Variants in CHIT1 observed in about 807,000 individuals in gnomAD.
The protein encoded by CHIT1 is chitinase 1.
Under a neutral mutation model 52.0 loss-of-function variants are expected in CHIT1, and 47 were observed. That is an observed-to-expected ratio of 0.90 (90% CI 0.71 to 1.15). CHIT1 has a LOEUF of 1.15. Among genes scored for constraint, CHIT1 ranks in the 50% most tolerant of loss-of-function variants. The pLI is 0.00. For synonymous variants in CHIT1, 242 were observed against 228.2 expected (o/e 1.06, Z -0.54); for missense variants, 569 against 583.0 (o/e 0.98, Z 0.25).
At chr1:203,218,234 T>TCA (rs58776333) in intron 9 of CHIT1, 4 of 630,712 alleles carry the variant, frequency 6.3e-6, no homozygotes, top group South Asian at 1.8e-5. Context: ...AAGGTCAAGG[T>TCA]AAGTCCAGTT....
intron 6 of CHIT1, 52 bp from the exon 7 acceptor site, chr1:203,222,377 A>G: frequency 6.2e-7 from 1 of 1,613,420 alleles, no homozygotes; most frequent in Non-Finnish European, 8.5e-7. Context: ...GGGGTGGGGT[A>G]GCCCTTCTTT....
chr1:203,227,359 TC>T (rs1329778099), intron 2 of CHIT1, among the ~76,000 whole-genome samples: 1 of 152,122 alleles, frequency 6.6e-6, no homozygotes, highest in Non-Finnish European at 1.5e-5. Flanking sequence ...AGATAACTCA[TC>T]CCCCAGGCCA....
In CHIT1 at chr1:203,216,634, C is replaced by T. The variant is rs1386052129; in HGVS notation, c.*255G>A. On this transcript the variant is annotated 3_prime_UTR_variant, in exon 11 of 11. Transcript: ENST00000367229. The stretch of plus-strand genomic sequence containing the variant: ...CGGATGTTTTGGAGTCAACAGTGTG[C>T]TTAGAGAGCCTCTTAAGTCACCACA... 1 of 576,244 alleles carries T rather than the reference C, an allele frequency of 1.7e-6. No homozygotes were observed. Among genetic ancestry groups the T allele is most frequent in the African/African-American group, 1.8e-5 (1 of 54,240 alleles). The allele number at this position is 576,244 out of a possible 1,614,324, so 35.7% of individuals were successfully genotyped here. A position where few individuals can be genotyped will look rare whatever the true frequency, so the allele number is the denominator to read the frequency against.
chr1:203,219,704 C>T lies in CHIT1; in HGVS notation c.875G>A (p.Gly292Asp), dbSNP rs1303725193. 3.1e-6 allele frequency: 5 copies of T among 1,614,122 alleles called. No homozygotes were observed. The highest frequency in any genetic ancestry group is 3.4e-6 in the Non-Finnish European group (4 of 1,180,018). The change falls in exon 8 of 11, where the codon GGC (glycine) becomes GAC (aspartate). Residue 292 changes from glycine to aspartate, a missense_variant. Transcript: ENST00000367229. ...GAPATGSGTP[G>D]PFTKEGGMLA... ...CATCCCTCCTTCCTTGGTGAAGGGG[C>T]CTGGAGTGCCAGACCCTGTGGCTGG...
chr1:203,225,754 A>G lies in CHIT1; in HGVS notation c.172T>C (p.Phe58Leu). Reference sequence around the variant, plus strand: ...AGCTGGTGGTTGGTCATGCCAGCGAAGGCGTAGATGAGGTGGGTGCAAAGG... The same window carrying G: ...AGCTGGTGGTTGGTCATGCCAGCGAGGGCGTAGATGAGGTGGGTGCAAAGG... The part of the protein sequence containing the change: ...PSLCTHLIYA[F>L]AGMTNHQLST... The change falls in exon 3 of 11, where the codon TTC (phenylalanine) becomes CTC (leucine). Residue 58 changes from phenylalanine (F) to leucine (L), a missense_variant. Phe to Leu is a conservative substitution (Grantham distance 22). Coordinates refer to ENST00000367229, the MANE Select transcript of CHIT1 (RefSeq NM_003465.3). 1 of 1,614,204 alleles carries G rather than the reference A, an allele frequency of 6.2e-7. No individual in the cohort carries two copies. The highest frequency in any genetic ancestry group is 8.5e-7 in the Non-Finnish European group (1 of 1,180,030).
upstream of CHIT1, chr1:203,229,753 G>A: frequency 8.1e-7 from 1 of 1,235,230 alleles, no homozygotes; most frequent in Non-Finnish European, 1.2e-6. Flanking sequence ...GGGGCACTGG[G>A]TGGGGGGGAT....
At chr1:203,224,603 A>T (rs567153957) in intron 4 of CHIT1, among the ~76,000 whole-genome samples, 1 of 152,290 alleles carries the variant, frequency 6.6e-6, no homozygotes, top group African/African-American at 2.4e-5. Context: ...CCAAATGCCA[A>T]TACTCTGGCA....
At chr1:203,225,200 A>G (rs1656880496) in intron 3 of CHIT1, 96 bp from the exon 4 acceptor site, 8 of 1,182,252 alleles carry the variant, frequency 6.8e-6, no homozygotes, top group Non-Finnish European at 1.3e-6. Context: ...AGGGGTGGGG[A>G]CGTGTGAAAG....
rs941369771 is a variant in CHIT1 at position 203,225,566 on chromosome 1, G to T, written c.257+103C>A. 9.3e-6 allele frequency: 11 copies of T among 1,177,696 alleles called. No individual in the cohort carries two copies. In the African/African-American group the frequency reaches 1.7e-4, roughly 18 times the overall value. The allele number at this position is 1,177,696 out of a possible 1,614,324, so 73.0% of individuals were successfully genotyped here. ...CAACTTGCCCAAAGCCACACAGTGG[G>T]TCTGTGGCAGGACCTTAGTGCTGGA... On this transcript the variant is annotated intron_variant, in intron 3 of 10. Transcript: ENST00000367229.
Position 203,217,847 on chromosome 1 carries a change from T to TGGCCCCGCCCAGTCCCTA in CHIT1, c.1047_1048insTAGGGACTGGGCGGGGCC (p.Gln349_Lys350insTer). 1 of 1,098,802 alleles carries TGGCCCCGCCCAGTCCCTA rather than the reference T, an allele frequency of 9.1e-7. No individual in the cohort carries two copies. Among genetic ancestry groups the TGGCCCCGCCCAGTCCCTA allele is most frequent in the Admixed American group, 2.8e-5 (1 of 35,302 alleles). 68.1% of individuals were successfully genotyped at this position (1,098,802 alleles called of 1,614,324 possible). ...CAGACCATGGCCCCGCCCAGTCCCT[T>TGGCCCCGCCCAGTCCCTA]CTGCTTCAGATAGCTGACCTGTGCA... On this transcript the variant is annotated stop_gained and inframe_insertion, in exon 10 of 11. Coordinates refer to ENST00000367229, the MANE Select transcript of CHIT1 (RefSeq NM_003465.3). LOFTEE classifies it high-confidence loss of function.
Position 203,229,554 on chromosome 1 carries a change from A to G in CHIT1, c.25+58T>C, listed in dbSNP as rs373820431. 1.5e-5 allele frequency: 24 copies of G among 1,602,782 alleles called. No individual in the cohort carries two copies. In the African/African-American group the frequency reaches 2.5e-4, roughly 17 times the overall value. ...AAATGGTAGCAAGTGGTCCCTGAACATCCACATCCCCACCTCCCCACAGCT... is the reference window on the plus strand; with the variant it reads ...AAATGGTAGCAAGTGGTCCCTGAACGTCCACATCCCCACCTCCCCACAGCT... On this transcript the variant is annotated intron_variant, in intron 1 of 10. Transcript: ENST00000367229.
chr1:203,225,247 A>T (rs1656885617), intron 3 of CHIT1, 143 bp from the exon 4 acceptor site: 1 of 754,102 alleles, frequency 1.3e-6, no homozygotes, highest in Non-Finnish European at 2.3e-6. Flanking sequence ...CATTCTGGGG[A>T]CAGCTGTAGA....
intron 7 of CHIT1, 62 bp from the exon 8 acceptor site, chr1:203,219,911 TG>T: frequency 1.9e-6 from 3 of 1,589,806 alleles, no homozygotes. Context: ...TATCTAAGTC[TG>T]GGGGATCCAG....
rs2102246438 is a variant in CHIT1, at chr1:203,228,526, T to C, written c.55+7A>G. 5 of 1,588,542 alleles carry C rather than the reference T, an allele frequency of 3.1e-6. No homozygotes were observed. Among genetic ancestry groups the C allele is most frequent in the Non-Finnish European group, 3.4e-6 (4 of 1,165,458 alleles). On this transcript the variant is annotated splice_region_variant and intron_variant, in intron 2 of 10. Transcript: ENST00000367229. Reference sequence around the variant, plus strand: ...GGGCTGAGGCAGCCAAGAAAGAGGCTACTTACCCCATGGGATCATCAGCAG... The same window carrying C: ...GGGCTGAGGCAGCCAAGAAAGAGGCCACTTACCCCATGGGATCATCAGCAG...
Position 203,225,059 on chromosome 1 carries a change from G to A in CHIT1, c.303C>T (p.Phe101=), listed in dbSNP as rs1287331665. The A allele has an allele frequency of 9.3e-6, 15 of 1,613,686 alleles. No homozygotes were observed. Among genetic ancestry groups the A allele is most frequent in the African/African-American group, 4.0e-5 (3 of 74,830 alleles). The stretch of plus-strand genomic sequence containing the variant: ...CACAGTCAACTAACTTCTGAGTGCC[G>A]AAATTCCAGCCTCCGATGGCTAACA... ...KTLLAIGGWN[F]GTQKFTDMVA... The change falls in exon 4 of 11, where the codon TTC becomes TTT. Residue 101 remains phenylalanine, a synonymous_variant. Transcript: ENST00000367229.
intron 2 of CHIT1, among the ~76,000 whole-genome samples, 175 bp from the exon 3 acceptor site, chr1:203,226,045 T>C (rs1571850390): frequency 6.6e-6 from 1 of 152,118 alleles, no homozygotes; most frequent in East Asian, 1.9e-4. Flanking sequence ...AGTCTGGCAG[T>C]TGGGAAAGCA....
intron 8 of CHIT1, 122 bp from the exon 9 acceptor site, chr1:203,219,451 G>A: frequency 2.3e-6 from 2 of 870,914 alleles, no homozygotes; most frequent in South Asian, 1.4e-5. Context: ...GGAGAATCAG[G>A]AGGTTCTTTG....
Position 203,217,077 on chromosome 1 carries a change from G to T in CHIT1, c.1213C>A (p.Pro405Thr). The change falls in exon 11 of 11, where the codon CCC becomes ACC. Residue 405 changes from proline (P) to threonine (T), a missense_variant. By Grantham distance (38) the Pro-to-Thr change is conservative. Coordinates refer to ENST00000367229, the MANE Select transcript of CHIT1 (RefSeq NM_003465.3). ...CTGGGGCCATGCTCAGGTTCAGAGGGCTGACCTGGTTTTGGAACTTCAAGC... is the reference window on the plus strand; with the variant it reads ...CTGGGGCCATGCTCAGGTTCAGAGGTCTGACCTGGTTTTGGAACTTCAAGC... ...PELEVPKPGQ[P>T]SEPEHGPSPG... 6.2e-7 allele frequency: 1 copy of T among 1,612,994 alleles called. No individual in the cohort carries two copies.
upstream of CHIT1, chr1:203,229,895 C>T (rs879263080): frequency 5.9e-5 from 32 of 546,500 alleles, no homozygotes; most frequent in Admixed American, 3.1e-4. Context: ...CAGAGGAAAG[C>T]GGGAAGTGGC....
Sources: allele counts gnomAD v4.1 joint callset (sites outside exome capture counted in the v4.1 genomes callset), GRCh38; gene constraint gnomAD v4.1.1; transcripts MANE v1.5; gene names NCBI Gene and HGNC (gene_info 2026-07-23, HGNC 2026-07-21).